The following MRPL1 variants were observed in gnomAD, a reference collection of about 807,000 sequenced individuals.
MRPL1 encodes the protein large ribosomal subunit protein uL1m.
In MRPL1, 28 loss-of-function variants were observed where a neutral mutation model predicts 38.0. The ratio of observed to expected loss-of-function variants is 0.74; its 90% CI spans 0.55 to 1.01. The LOEUF is 1.01. Ranked by LOEUF, MRPL1 falls within the 50% of genes least tolerant of loss-of-function variation. The pLI is 0.00. For synonymous variants in MRPL1, 123 were observed against 126.7 expected (o/e 0.97, Z 0.20); for missense variants, 358 against 389.8 (o/e 0.92, Z 0.69).
chr4:77,943,226 A>T (rs1737176598), intron 7 of MRPL1, among the ~76,000 whole-genome samples: 1 of 151,942 alleles, frequency 6.6e-6, no homozygotes, highest in Non-Finnish European at 1.5e-5. Flanking sequence ...TCTAGCTTGT[A>T]GGGTTTCTGT....
At chr4:77,935,196 T>C (rs1452495711) in intron 7 of MRPL1, among the ~76,000 whole-genome samples, 1 of 152,202 alleles carries the variant, frequency 6.6e-6, no homozygotes, top group Admixed American at 6.5e-5. Context: ...TATCCTGTAT[T>C]GGAGTGGTCA....
rs543596832 is a variant in MRPL1, at chr4:77,946,989, T to C, written c.778-2808T>C. On this transcript the variant is annotated intron_variant, in intron 7 of 8. Coordinates refer to ENST00000315567, the MANE Select transcript of MRPL1 (RefSeq NM_020236.4). ...TTATATTTTGCCCTGAGATGAATTA[T>C]GACATGTGCATCTCAATGGGACAAA... is the stretch of plus-strand genomic sequence containing the variant. Among the ~76,000 whole-genome samples, 17 of 147,960 alleles carry C rather than the reference T, an allele frequency of 1.1e-4. No individual in the cohort carries two copies. In the East Asian group the frequency reaches 2.9e-3, roughly 26 times the overall value.
chr4:77,881,443 C>CTT (rs760628841), intron 2 of MRPL1, among the ~76,000 whole-genome samples: 7,691 of 133,004 alleles, frequency 0.058, 437 homozygotes, highest in African/African-American at 0.13. Flanking sequence ...TCAATATTTA[C>CTT]TTTTTTTTTT....
intron 6 of MRPL1, 33 bp from the exon 7 acceptor site, chr4:77,909,233 G>A: frequency 8.0e-7 from 1 of 1,242,794 alleles, no homozygotes; most frequent in East Asian, 2.3e-5. Flanking sequence ...CTTATTTGGA[G>A]TGATAATTGT....
chr4:77,920,766 CT>C (rs112819752), intron 7 of MRPL1, among the ~76,000 whole-genome samples: 9,565 of 151,182 alleles, frequency 0.063, 461 homozygotes, highest in African/African-American at 0.14. Context: ...TCCATTCATC[CT>C]TTTTTTTTGA....
Position 77,888,761 on chromosome 4 carries a change from A to G in MRPL1, c.558+1470A>G, listed in dbSNP as rs1029708082. Among the ~76,000 whole-genome samples, 2 of 152,214 alleles carry G rather than the reference A, an allele frequency of 1.3e-5. 1 individual carries two copies. Among genetic ancestry groups the G allele is most frequent in the African/African-American group, 4.8e-5 (2 of 41,540 alleles). ...AAGTTCTAGGGTAGATGTGCACAGC[A>G]TGCAGGTTTGTTACGTATGTATATA... On this transcript the variant is annotated intron_variant, in intron 5 of 8. Transcript: ENST00000315567.
intron 7 of MRPL1, among the ~76,000 whole-genome samples, chr4:77,942,486 GT>G (rs1737159721): frequency 6.6e-6 from 1 of 152,022 alleles, no homozygotes. Context: ...CTATTATTGT[GT>G]TGCTGTCTAT....
intron 7 of MRPL1, among the ~76,000 whole-genome samples, chr4:77,914,237 C>T (rs1736364189): frequency 6.6e-6 from 1 of 152,030 alleles, no homozygotes; most frequent in African/African-American, 2.4e-5. Flanking sequence ...CTGTATGATA[C>T]CATTTATATG....
intron 2 of MRPL1, among the ~76,000 whole-genome samples, chr4:77,877,871 C>T (rs1203602797): frequency 6.6e-6 from 1 of 151,666 alleles, no homozygotes; most frequent in African/African-American, 2.4e-5. Context: ...TGCGTGTTTA[C>T]CTGTGCCTTT....
chr4:77,917,580 AAAC>A (rs1033967007), intron 7 of MRPL1, among the ~76,000 whole-genome samples: 15 of 152,196 alleles, frequency 9.9e-5, no homozygotes, highest in Admixed American at 5.2e-4. Flanking sequence ...AAAAAACAGA[AAAC>A]AACCAACTTA....
chr4:77,916,612 A>G (rs952419671), intron 7 of MRPL1, among the ~76,000 whole-genome samples: 14 of 152,186 alleles, frequency 9.2e-5, no homozygotes, highest in Non-Finnish European at 1.6e-4. Context: ...AAAGTGTAGC[A>G]TGGATGTCTT....
At chr4:77,878,295 A>C (rs889934225) in intron 2 of MRPL1, among the ~76,000 whole-genome samples, 3 of 152,220 alleles carry the variant, frequency 2.0e-5, no homozygotes, top group African/African-American at 7.2e-5. Flanking sequence ...TTCTGCATTT[A>C]GTTTAAAAGG....
At chr4:77,929,618 A>C (rs1736800335) in intron 7 of MRPL1, among the ~76,000 whole-genome samples, 1 of 152,178 alleles carries the variant, frequency 6.6e-6, no homozygotes, top group South Asian at 2.1e-4. Context: ...AAGTGATGTA[A>C]AGCATAGCTT....
chr4:77,871,431 A>G (rs1447390806), intron 1 of MRPL1, among the ~76,000 whole-genome samples: 3 of 151,918 alleles, frequency 2.0e-5, no homozygotes, highest in South Asian at 4.2e-4. Flanking sequence ...CAGCCTCCCA[A>G]GTAGCTGGGA....
chr4:77,885,208 TAGAAAAG>T, intron 3 of MRPL1, 41 bp from the exon 4 acceptor site: 1 of 1,363,750 alleles, frequency 7.3e-7, no homozygotes, highest in Non-Finnish European at 1.1e-6. Context: ...GTGTGTGAAA[TAGAAAAG>T]ATTAACTTTA....
intron 7 of MRPL1, among the ~76,000 whole-genome samples, chr4:77,944,954 G>A (rs116655292): frequency 6.6e-6 from 1 of 152,122 alleles, no homozygotes; most frequent in African/African-American, 2.4e-5. Flanking sequence ...TCCTTACCAT[G>A]TGTGTGCTCA....
intron 7 of MRPL1, among the ~76,000 whole-genome samples, chr4:77,929,494 T>A (rs1215310270): frequency 6.6e-6 from 1 of 152,098 alleles, no homozygotes; most frequent in Non-Finnish European, 1.5e-5. Flanking sequence ...TTATTAAATA[T>A]AAATACAAAG....
In MRPL1 at chr4:77,909,274, G is replaced by C. The variant is rs1264193506; in HGVS notation, c.679G>C (p.Gly227Arg). The change falls in exon 7 of 9, where the codon GGC becomes CGC. Residue 227 changes from glycine (G) to arginine (R), a missense_variant. Transcript: ENST00000315567. ...TTACTTTTTCTAACTAGATTCCATT[G>C]GCCGTGACATCCCCAAAATGCTTGA... ...KYPKLSRNSI[G>R]RDIPKMLELF... 6.2e-7 allele frequency: 1 copy of C among 1,602,904 alleles called. No individual in the cohort carries two copies. Among genetic ancestry groups the C allele is most frequent in the Non-Finnish European group, 8.5e-7 (1 of 1,172,584 alleles).
intron 2 of MRPL1, among the ~76,000 whole-genome samples, chr4:77,880,032 A>G (rs1343057796): frequency 2.6e-5 from 4 of 152,118 alleles, no homozygotes; most frequent in Non-Finnish European, 4.4e-5. Flanking sequence ...ATTATCATCC[A>G]TTTCTTTCAC....
Sources: allele counts gnomAD v4.1 joint callset (sites outside exome capture counted in the v4.1 genomes callset), GRCh38; gene constraint gnomAD v4.1.1; transcripts MANE v1.5; gene names NCBI Gene and HGNC (gene_info 2026-07-23, HGNC 2026-07-21).